Variants in CEP350 observed in about 807,000 individuals in gnomAD.
The protein encoded by CEP350 is centrosomal protein 350, also known as centrosome-associated protein 350.
In CEP350, 126 loss-of-function variants were observed where a neutral mutation model predicts 331.8. The ratio of observed to expected loss-of-function variants is 0.38; its 90% CI spans 0.33 to 0.44. The LOEUF (loss-of-function observed/expected upper bound fraction) is 0.44, where lower values mean the gene tolerates loss of function less well. Ranked by LOEUF, CEP350 falls within the 20% of genes least tolerant of loss-of-function variation. The pLI is 1.00. For missense variants in CEP350, 3,406 were observed against 3,634.6 expected (o/e 0.94, Z 1.62); for synonymous variants, 1,200 against 1,259.5 (o/e 0.95, Z 1.00).
chr1:180,089,333 C>T (rs932425209), intron 32 of CEP350, among the ~76,000 whole-genome samples: 10 of 152,106 alleles, frequency 6.6e-5, no homozygotes, highest in Admixed American at 3.9e-4. Flanking sequence ...CGCCTGTAAT[C>T]CCATCACTTT....
rs745559427 is a variant in CEP350 at position 179,996,573 on chromosome 1, C to T, written c.416C>T (p.Ser139Phe). Residue 139 changes from serine to phenylalanine, a missense_variant, in exon 6 of 38, where the codon TCC (serine) becomes TTC (phenylalanine). Ser to Phe is a radical substitution (Grantham distance 155). This residue lies in a region of CEP350 where 1,857 missense variants were observed against 1,909.2 expected (regional missense o/e 0.97). Coordinates refer to ENST00000367607, the MANE Select transcript of CEP350 (RefSeq NM_014810.5). ...VSYREIHGAP[S>F]NFSSSHLESK... ...TGTAGGGAAATCCATGGTGCACCTT[C>T]CAATTTCAGTTCCAGCCATCTGGAA... is the stretch of plus-strand genomic sequence containing the variant. 1 of 1,567,962 alleles carries T rather than the reference C, an allele frequency of 6.4e-7. No homozygotes were observed. The highest frequency in any genetic ancestry group is 2.3e-5 in the East Asian group (1 of 42,790).
In CEP350 at chr1:180,009,957, A is replaced by G. The variant is rs113729658; in HGVS notation, c.1247-1972A>G. On this transcript the variant is annotated intron_variant, in intron 8 of 37. Coordinates refer to ENST00000367607, the MANE Select transcript of CEP350 (RefSeq NM_014810.5). ...ATGGAAAGTCTTTTATTATAAATAC[A>G]ATAAAATAGCATCACAGAAAGCTGG... Among the ~76,000 whole-genome samples, 705 of 152,238 alleles carry G rather than the reference A, an allele frequency of 4.6e-3. 8 individuals are homozygous for G. The highest frequency in any genetic ancestry group is 0.016 in the African/African-American group (653 of 41,564).
chr1:180,003,947 G>T (rs1654041237), intron 7 of CEP350, among the ~76,000 whole-genome samples: 1 of 152,128 alleles, frequency 6.6e-6, no homozygotes, highest in Non-Finnish European at 1.5e-5. Flanking sequence ...GGTCTTTGTA[G>T]TAAGCCCTCA....
chr1:179,966,325 A>G (rs1442288956), intron 1 of CEP350, among the ~76,000 whole-genome samples: 1 of 152,142 alleles, frequency 6.6e-6, no homozygotes, highest in African/African-American at 2.4e-5. Flanking sequence ...TTTCAAATGT[A>G]CTTCTTAAAG....
chr1:179,985,142 C>T (rs992575687), intron 1 of CEP350, among the ~76,000 whole-genome samples: 2 of 152,118 alleles, frequency 1.3e-5, no homozygotes, highest in African/African-American at 4.8e-5. Context: ...ACCCATTAAA[C>T]AGTAACTCTC....
chr1:180,076,864 G>C lies in CEP350; in HGVS notation c.5768-1599G>C, dbSNP rs543706570. 1.3e-3 allele frequency among the ~76,000 whole-genome samples: 197 copies of C among 152,136 alleles called. 1 individual carries two copies. The highest frequency in any genetic ancestry group is 4.7e-3 in the African/African-American group (194 of 41,516). The stretch of plus-strand genomic sequence containing the variant: ...CCTCAGATCATAGTAGCCATAGAAA[G>C]GAACTTTCTTTACCTGATAAAAGGT... On this transcript the variant is annotated intron_variant, in intron 28 of 37. Coordinates refer to ENST00000367607, the MANE Select transcript of CEP350 (RefSeq NM_014810.5).
Position 180,093,375 on chromosome 1 carries a change from A to G in CEP350, c.7270A>G (p.Ser2424Gly), listed in dbSNP as rs1258404119. 3 of 1,600,716 alleles carry G rather than the reference A, an allele frequency of 1.9e-6. No homozygotes were observed. The highest frequency in any genetic ancestry group is 2.6e-6 in the Non-Finnish European group (3 of 1,173,406). The stretch of plus-strand genomic sequence containing the variant: ...GCCACAGCCAATGAGGAGCTCTACA[A>G]GTGGAGCCACTAGCTTTGGTAGTAA... ...DKPQPMRSST[S>G]GATSFGSNEE... The change falls in exon 34 of 38, where the codon AGT (serine) becomes GGT (glycine). Residue 2424 changes from serine (S) to glycine (G), a missense_variant. Coordinates refer to ENST00000367607, the MANE Select transcript of CEP350 (RefSeq NM_014810.5).
At chr1:180,015,728 A>T in intron 10 of CEP350, 121 bp from the exon 11 acceptor site, 1 of 1,235,008 alleles carries the variant, frequency 8.1e-7, no homozygotes, top group Non-Finnish European at 1.1e-6. Flanking sequence ...TGTTTGACAA[A>T]AAAAAACCAC....
At chr1:179,991,199 T>C (rs1299593491) in intron 4 of CEP350, among the ~76,000 whole-genome samples, 1 of 152,054 alleles carries the variant, frequency 6.6e-6, no homozygotes, top group Non-Finnish European at 1.5e-5. Flanking sequence ...ATATTTTTCT[T>C]GGGATTTAAA....
chr1:180,096,213 T>A, intron 36 of CEP350, 29 bp downstream of exon 36: 1 of 1,523,144 alleles, frequency 6.6e-7, no homozygotes, highest in Non-Finnish European at 8.8e-7. Flanking sequence ...AGTGTCTTCT[T>A]TTTTGACTTG....
chr1:179,974,423 T>C (rs1651697089), intron 1 of CEP350, among the ~76,000 whole-genome samples: 1 of 152,208 alleles, frequency 6.6e-6, no homozygotes, highest in Non-Finnish European at 1.5e-5. Context: ...CTTCTAATGC[T>C]GCCGTTTGTT....
At position 180,109,636 on chromosome 1, in the gene CEP350, G is replaced by T. The variant is rs143602914; in HGVS notation, c.9190-1361G>T. Among the ~76,000 whole-genome samples the T allele has an allele frequency of 8.1e-3, 1,220 of 151,442 alleles. 6 individuals are homozygous for T. The highest frequency in any genetic ancestry group is 0.017 in the Middle Eastern group (5 of 294). On this transcript the variant is annotated intron_variant, in intron 37 of 37. Coordinates refer to ENST00000367607, the MANE Select transcript of CEP350 (RefSeq NM_014810.5). ...ATAGCAAATCTAATGTGTTTTTTTT[G>T]TTTGTTTGTTTGTTTTTTAGACGGA...
chr1:180,005,128 C>T (rs763767240), intron 7 of CEP350, among the ~76,000 whole-genome samples: 2 of 151,116 alleles, frequency 1.3e-5, no homozygotes. Flanking sequence ...TGTCTAGTCT[C>T]AGGGCTTTAA....
intron 28 of CEP350, among the ~76,000 whole-genome samples, chr1:180,077,671 T>TAAA (rs3067269): frequency 0.67 from 64,808 of 96,762 alleles, 21,627 homozygotes; most frequent in Non-Finnish European, 0.76. Context: ...TCTCAAAAAG[T>TAAA]AAAAAAAAAA....
chr1:180,047,061 GA>G (rs1657166670), intron 21 of CEP350, among the ~76,000 whole-genome samples: 1 of 152,176 alleles, frequency 6.6e-6, no homozygotes, highest in African/African-American at 2.4e-5. Flanking sequence ...TGAACACAGG[GA>G]CAGAAGTGAC....
intron 4 of CEP350, 133 bp downstream of exon 4, chr1:179,990,754 T>C: frequency 2.1e-6 from 1 of 479,868 alleles, no homozygotes; most frequent in Non-Finnish European, 3.7e-6. Flanking sequence ...ACGAAGTCTC[T>C]CTGTGCTGCC....
chr1:180,036,434 G>A (rs1049661192), intron 16 of CEP350, among the ~76,000 whole-genome samples: 3 of 152,098 alleles, frequency 2.0e-5, no homozygotes, highest in African/African-American at 7.2e-5. Context: ...AGAGTCAATC[G>A]ATGCAGTAAA....
chr1:180,027,319 G>A (rs1288970558), intron 14 of CEP350, among the ~76,000 whole-genome samples: 4 of 152,088 alleles, frequency 2.6e-5, no homozygotes, highest in Non-Finnish European at 5.9e-5. Flanking sequence ...CATTTGTAAG[G>A]ATTACCCACT....
At chr1:180,099,038 G>T in intron 37 of CEP350, 53 bp downstream of exon 37, 1 of 1,550,794 alleles carries the variant, frequency 6.4e-7, no homozygotes, top group Non-Finnish European at 8.7e-7. Flanking sequence ...TTTAAACTCA[G>T]AATGCAGTTA....
Sources: gnomAD v4.1 joint callset for allele counts (sites outside exome capture counted in the v4.1 genomes callset) on GRCh38, gnomAD v4.1.1 for gene constraint, gnomAD v4.1.1 regional missense constraint, MANE v1.5 for transcripts, NCBI Gene and HGNC (gene_info 2026-07-23, HGNC 2026-07-21) for gene names.